KCNG2: variants seen among roughly 807,000 people sequenced by gnomAD.
KCNG2 encodes potassium voltage-gated channel modifier subfamily G member 2.
Under a neutral mutation model 12.3 loss-of-function variants are expected in KCNG2, and 7 were observed. That is an observed-to-expected ratio of 0.57 (90% CI 0.32 to 1.07). KCNG2 has a LOEUF of 1.07. KCNG2 is among the 50% of genes least tolerant of loss of function. The probability of loss-of-function intolerance (pLI) is 0.04; values close to 1 mark genes in which losing one functional copy is unlikely to be tolerated. For missense variants in KCNG2, 703 were observed against 726.0 expected (o/e 0.97, Z 0.36); for synonymous variants, 414 against 351.4 (o/e 1.18, Z -1.99).
chr18:79,803,132 C>G lies in KCNG2; in HGVS notation c.-115+5118C>G, dbSNP rs974859814. Among the ~76,000 whole-genome samples the G allele has an allele frequency of 6.6e-6, 1 of 152,106 alleles. No homozygotes were observed. The highest frequency in any genetic ancestry group is 2.4e-5 in the African/African-American group (1 of 41,412). On this transcript the variant is annotated intron_variant, in intron 1 of 3. Transcript: ENST00000316249. The surrounding 1 kb of genome is among the most constrained non-coding windows in gnomAD (Gnocchi z 4.5). ...GGCGGAGCTTGCAGTGAGCCGAGAT[C>G]GCGCCACTGCACTCCAGCCTGGGTG...
At chr18:79,824,224 C>T (rs1456834194) in intron 1 of KCNG2, among the ~76,000 whole-genome samples, 2 of 152,206 alleles carry the variant, frequency 1.3e-5, no homozygotes, top group African/African-American at 4.8e-5. Flanking sequence ...ATCTTGAACT[C>T]CTGGACTCAA....
intron 1 of KCNG2, among the ~76,000 whole-genome samples, chr18:79,830,874 C>T (rs1391550078): frequency 7.7e-6 from 1 of 130,218 alleles, no homozygotes; most frequent in Non-Finnish European, 1.7e-5. Context: ...AGGAGGGTTC[C>T]CTGCATACAG....
intron 2 of KCNG2, among the ~76,000 whole-genome samples, chr18:79,856,778 G>A (rs1979023288): frequency 6.6e-6 from 1 of 151,974 alleles, no homozygotes; most frequent in Non-Finnish European, 1.5e-5. Flanking sequence ...TGCTTATTCC[G>A]GGCAGTTTCT....
At chr18:79,821,957 CA>C (rs1240165452) in intron 1 of KCNG2, among the ~76,000 whole-genome samples, 4 of 152,030 alleles carry the variant, frequency 2.6e-5, no homozygotes, top group Admixed American at 2.6e-4. Context: ...TTCATTTCTG[CA>C]AAAAAGCACT....
chr18:79,876,913 A>G (rs1233155296), intron 3 of KCNG2, among the ~76,000 whole-genome samples: 1 of 152,220 alleles, frequency 6.6e-6, no homozygotes, highest in Non-Finnish European at 1.5e-5. Context: ...GGAGGGTGAG[A>G]GGACAGAATG....
At chr18:79,877,203 A>G (rs1568267468) in intron 3 of KCNG2, among the ~76,000 whole-genome samples, 1 of 152,262 alleles carries the variant, frequency 6.6e-6, no homozygotes, top group African/African-American at 2.4e-5. Flanking sequence ...TTATGAATTC[A>G]TAGTTAGTAA....
At chr18:79,798,821 T>G (rs1436385191) in intron 1 of KCNG2, among the ~76,000 whole-genome samples, 1 of 152,106 alleles carries the variant, frequency 6.6e-6, no homozygotes, top group East Asian at 1.9e-4. Flanking sequence ...GGAGGGGGCG[T>G]CCGGCAGGTG....
chr18:79,846,875 G>A (rs1380996470), intron 1 of KCNG2, among the ~76,000 whole-genome samples: 1 of 152,162 alleles, frequency 6.6e-6, no homozygotes, highest in East Asian at 1.9e-4. Flanking sequence ...TGTGCATCTG[G>A]ATGAAGGCCC....
At chr18:79,875,298 C>T (rs929231971) in intron 3 of KCNG2, among the ~76,000 whole-genome samples, 8 of 152,260 alleles carry the variant, frequency 5.3e-5, no homozygotes, top group South Asian at 2.1e-4. Flanking sequence ...TCTGAACAGG[C>T]GGTCCTGGGG....
At chr18:79,819,429 C>T (rs908223006) in intron 1 of KCNG2, among the ~76,000 whole-genome samples, 1 of 152,192 alleles carries the variant, frequency 6.6e-6, no homozygotes, top group African/African-American at 2.4e-5. Context: ...GCCTGGGGTC[C>T]CCACAGCACC....
At chr18:79,860,651 A>T (rs144535444) in intron 2 of KCNG2, among the ~76,000 whole-genome samples, 14 of 129,768 alleles carry the variant, frequency 1.1e-4, no homozygotes, top group Non-Finnish European at 2.1e-4. Context: ...TGCTGAACCC[A>T]TTCTCATAGT....
intron 3 of KCNG2, among the ~76,000 whole-genome samples, chr18:79,896,929 T>G (rs974322286): frequency 6.6e-6 from 1 of 152,220 alleles, no homozygotes; most frequent in Non-Finnish European, 1.5e-5. Context: ...GCTTGCAGTG[T>G]TTCTGCTGGT....
intron 3 of KCNG2, among the ~76,000 whole-genome samples, chr18:79,893,672 T>C (rs1348869266): frequency 2.6e-5 from 4 of 151,816 alleles, no homozygotes; most frequent in African/African-American, 9.7e-5. Context: ...TCGATTGATA[T>C]AGCTGGGTCT....
At chr18:79,890,515 T>C (rs1980707462) in intron 3 of KCNG2, among the ~76,000 whole-genome samples, 1 of 152,180 alleles carries the variant, frequency 6.6e-6, no homozygotes, top group Non-Finnish European at 1.5e-5. Flanking sequence ...TTGCCATCTT[T>C]ATGTCCATGA....
chr18:79,837,222 T>G (rs1978337035), intron 1 of KCNG2, among the ~76,000 whole-genome samples: 1 of 152,154 alleles, frequency 6.6e-6, no homozygotes, highest in Non-Finnish European at 1.5e-5. Flanking sequence ...TCTGAGATGG[T>G]CTCCTTTGAC....
At chr18:79,805,600 T>C (rs2122988841) in intron 1 of KCNG2, among the ~76,000 whole-genome samples, 1 of 152,280 alleles carries the variant, frequency 6.6e-6, no homozygotes, top group East Asian at 1.9e-4. Context: ...CTGTCTACTG[T>C]TTGTCACATT....
chr18:79,804,676 G>C (rs552791935), intron 1 of KCNG2, among the ~76,000 whole-genome samples: 31 of 152,338 alleles, frequency 2.0e-4, no homozygotes, highest in African/African-American at 7.0e-4. Flanking sequence ...CAAAGGGAAT[G>C]TGGCATCAAA....
chr18:79,899,216 G>A lies in KCNG2; in HGVS notation c.801G>A (p.Leu267=), dbSNP rs2123140625. The A allele has an allele frequency of 6.2e-7, 1 of 1,601,968 alleles. No individual in the cohort carries two copies. The highest frequency in any genetic ancestry group is 2.2e-5 in the East Asian group (1 of 44,800). The change falls in exon 4 of 4, where the codon CTG becomes CTA. Residue 267 remains leucine, a synonymous_variant. Coordinates refer to ENST00000316249, the MANE Select transcript of KCNG2 (RefSeq NM_012283.2). ...LALLPFYVSL[L]LGLAAGPGGT... is the part of the protein sequence containing the mutation. The stretch of plus-strand genomic sequence containing the variant: ...TCCTGCCGTTCTACGTGTCGCTGCT[G>A]CTGGGGCTGGCGGCAGGCCCGGGCG...
At position 79,800,842 on chromosome 18, in the gene KCNG2, T is replaced by A. The variant is rs2087403832; in HGVS notation, c.-115+2828T>A. On this transcript the variant is annotated intron_variant, in intron 1 of 3. Coordinates refer to ENST00000316249, the MANE Select transcript of KCNG2 (RefSeq NM_012283.2). The surrounding 1 kb of genome is among the most constrained non-coding windows in gnomAD (Gnocchi z 4.0). ...CACAGCGAGGGGCACCCGAAGCAAA[T>A]GTCAAGTCAAAATGGGTCCCCGGCG... Among the ~76,000 whole-genome samples the A allele has an allele frequency of 6.6e-6, 1 of 152,150 alleles. No individual in the cohort carries two copies. Among genetic ancestry groups the A allele is most frequent in the African/African-American group, 2.4e-5 (1 of 41,422 alleles).
Sources: gnomAD v4.1 joint callset for allele counts (sites outside exome capture counted in the v4.1 genomes callset) on GRCh38, gnomAD v4.1.1 for gene constraint, Gnocchi (gnomAD v3.1) non-coding constraint, MANE v1.5 for transcripts, NCBI Gene and HGNC (gene_info 2026-07-23, HGNC 2026-07-21) for gene names.